The following RALB variants were observed in gnomAD, a reference collection of about 807,000 sequenced individuals.
RALB encodes the protein RAS like proto-oncogene B.
In RALB, 16 loss-of-function variants were observed where a neutral mutation model predicts 21.3. The observed-to-expected ratio is 0.75, with a 90% CI of 0.51 to 1.14. The LOEUF is 1.14. Among genes scored for constraint, RALB ranks in the 50% most tolerant of loss-of-function variants. The pLI is 0.00. For missense variants in RALB, 161 were observed against 256.2 expected, an observed-to-expected ratio of 0.63 and a Z score of 2.54; for synonymous variants, 93 against 96.1, an observed-to-expected ratio of 0.97 and a Z score of 0.19.
At chr2:120,244,739 A>C (rs1321151308) in intron 1 of RALB, among the ~76,000 whole-genome samples, 1 of 152,194 alleles carries the variant, frequency 6.6e-6, no homozygotes, top group Admixed American at 6.5e-5. Flanking sequence ...CCCAGCTGCT[A>C]GGAGGGATGA....
rs536054558 is a variant in RALB, at chr2:120,286,132, T to C, written c.323+50T>C. The C allele has an allele frequency of 2.0e-6, 3 of 1,515,268 alleles. No homozygotes were observed. The Admixed American group carries it at 5.0e-5, about 25-fold the overall frequency. The allele number at this position is 1,515,268 out of a possible 1,614,324, so 93.9% of individuals were successfully genotyped here. ...AGCCCCCAGGAAGCTTTTTGCCTTT[T>C]CTCATATGTCTTAGGCCTATGAAGA... On this transcript the variant is annotated intron_variant, in intron 3 of 4. Coordinates refer to ENST00000272519, the MANE Select transcript of RALB (RefSeq NM_002881.3).
intron 1 of RALB, among the ~76,000 whole-genome samples, chr2:120,275,312 A>T (rs528493501): frequency 1.6e-4 from 24 of 152,156 alleles, no homozygotes; most frequent in East Asian, 7.8e-4. Context: ...GTTAAATCCT[A>T]AATTACCAAG....
upstream of RALB, chr2:120,252,638 G>T (rs1447703609): frequency 2.2e-5 from 6 of 270,428 alleles, no homozygotes; most frequent in Non-Finnish European, 3.4e-5. Context: ...GGGGGACGGG[G>T]CAGGCGCGCT....
At chr2:120,283,740 G>A (rs1402295113) in intron 2 of RALB, among the ~76,000 whole-genome samples, 3 of 152,326 alleles carry the variant, frequency 2.0e-5, no homozygotes, top group South Asian at 2.1e-4. Flanking sequence ...AAGGGTCCAC[G>A]TGAAGTTTGT....
intron 1 of RALB, among the ~76,000 whole-genome samples, chr2:120,271,869 G>C (rs1689673841): frequency 6.6e-6 from 1 of 152,204 alleles, no homozygotes; most frequent in Non-Finnish European, 1.5e-5. Context: ...TCATTGGGAA[G>C]ACTGAATTTT....
chr2:120,288,127 C>G (rs1031340774), intron 3 of RALB, among the ~76,000 whole-genome samples: 1 of 151,928 alleles, frequency 6.6e-6, no homozygotes, highest in Non-Finnish European at 1.5e-5. Context: ...TTTTGTGTGC[C>G]CCTGCAAGAC....
At chr2:120,256,734 C>A (rs192792625) in intron 1 of RALB, among the ~76,000 whole-genome samples, 60 of 152,262 alleles carry the variant, frequency 3.9e-4, no homozygotes, top group Admixed American at 3.5e-3. Flanking sequence ...CAGACTAATC[C>A]AGTGTCTAAT....
chr2:120,252,303 GCACT>G (rs1195008380), upstream of RALB, among the ~76,000 whole-genome samples: 1 of 152,198 alleles, frequency 6.6e-6, no homozygotes, highest in African/African-American at 2.4e-5. Context: ...TCTCCGCCAT[GCACT>G]CACTAACTCC....
chr2:120,253,624 C>T (rs925075842), intron 1 of RALB: 6 of 985,410 alleles, frequency 6.1e-6, no homozygotes, highest in Non-Finnish European at 7.2e-6. Flanking sequence ...GTGCTCGGTG[C>T]AGGGTTGCGG....
intron 1 of RALB, among the ~76,000 whole-genome samples, chr2:120,262,205 A>T (rs536853954): frequency 1.3e-5 from 2 of 152,136 alleles, no homozygotes; most frequent in Admixed American, 1.3e-4. Flanking sequence ...CCTCAAAGGT[A>T]TGGGGGCTTT....
At chr2:120,271,985 G>A (rs935004267) in intron 1 of RALB, among the ~76,000 whole-genome samples, 1 of 152,188 alleles carries the variant, frequency 6.6e-6, no homozygotes, top group Admixed American at 6.5e-5. Context: ...GAAACATGTT[G>A]AAGGGTGCCA....
At chr2:120,255,898 T>G (rs1189484233) in intron 1 of RALB, among the ~76,000 whole-genome samples, 1 of 152,244 alleles carries the variant, frequency 6.6e-6, no homozygotes, top group Non-Finnish European at 1.5e-5. Flanking sequence ...CAGTGCTTTG[T>G]GGGCATTTTT....
At chr2:120,280,051 A>G (rs1307883247) in intron 2 of RALB, among the ~76,000 whole-genome samples, 9 of 152,150 alleles carry the variant, frequency 5.9e-5, no homozygotes, top group Admixed American at 2.0e-4. Flanking sequence ...TCGTGATGTG[A>G]GGTGCAGGGC....
At chr2:120,284,715 A>G (rs1690082130) in intron 2 of RALB, among the ~76,000 whole-genome samples, 1 of 150,788 alleles carries the variant, frequency 6.6e-6, no homozygotes, top group Non-Finnish European at 1.5e-5. Context: ...AACCATCACC[A>G]TTATCTAATT....
chr2:120,285,242 A>C (rs776236068), intron 2 of RALB, among the ~76,000 whole-genome samples: 7 of 152,114 alleles, frequency 4.6e-5, no homozygotes, highest in Admixed American at 6.5e-5. Context: ...GAACGAACTC[A>C]CTATCACAAG....
Position 120,279,976 on chromosome 2 carries a change from G to A in RALB, c.114+1198G>A, listed in dbSNP as rs796408427. Among the ~76,000 whole-genome samples the A allele has an allele frequency of 1.4e-4, 21 of 152,244 alleles. 1 individual carries two copies. The highest frequency in any genetic ancestry group is 4.6e-4 in the African/African-American group (19 of 41,532). On this transcript the variant is annotated intron_variant, in intron 2 of 4. Coordinates refer to ENST00000272519, the MANE Select transcript of RALB (RefSeq NM_002881.3). Reference sequence around the variant, plus strand: ...GTGTTGGTGTGGTTTGGAGTCACGCGGCATGTGGCGATTATCGCTGGCTGC... The same window carrying A: ...GTGTTGGTGTGGTTTGGAGTCACGCAGCATGTGGCGATTATCGCTGGCTGC...
Position 120,293,278 on chromosome 2 carries a change from GA to G in RALB, c.*20del. On this transcript the variant is annotated 3_prime_UTR_variant, in exon 5 of 5. Transcript: ENST00000272519. ...TACTATGAGTGTCAAGGTGACGGAT[GA>G]AGCCAGCTGCTCCTAAGGACACAGG... 1 of 1,603,800 alleles carries G rather than the reference GA, an allele frequency of 6.2e-7. No homozygotes were observed. The highest frequency in any genetic ancestry group is 1.1e-5 in the South Asian group (1 of 89,636).
Position 120,293,218 on chromosome 2 carries a change from C to G in RALB, c.579C>G (p.Ser193Arg), listed in dbSNP as rs1280648584. 4 of 1,613,282 alleles carry G rather than the reference C, an allele frequency of 2.5e-6. No individual in the cohort carries two copies. Among genetic ancestry groups the G allele is most frequent in the African/African-American group, 2.7e-5 (2 of 74,862 alleles). ...ENKDKNGKKS[S>R]KNKKSFKERC... is the part of the protein sequence containing the mutation. ...AAGACAAGAATGGCAAGAAAAGCAG[C>G]AAGAACAAGAAAAGTTTTAAAGAAA... The change falls in exon 5 of 5, where the codon AGC (serine) becomes AGG (arginine). Residue 193 changes from serine (S) to arginine (R), a missense_variant. By Grantham distance (110) the Ser-to-Arg change is moderately radical (BLOSUM62 -1). Transcript: ENST00000272519.
intron 1 of RALB, among the ~76,000 whole-genome samples, chr2:120,262,773 A>G (rs921735893): frequency 2.6e-5 from 4 of 152,182 alleles, no homozygotes; most frequent in African/African-American, 9.7e-5. Flanking sequence ...TGAAATGCCC[A>G]TTGGTTATGC....
Sources: gnomAD v4.1 joint callset for allele counts (sites outside exome capture counted in the v4.1 genomes callset) on GRCh38, gnomAD v4.1.1 for gene constraint, MANE v1.5 for transcripts, NCBI Gene and HGNC (gene_info 2026-07-23, HGNC 2026-07-21) for gene names.